KCNJ4: variants seen among roughly 807,000 people sequenced by gnomAD.
The protein encoded by KCNJ4 is inward rectifier potassium channel 4.
A neutral mutation model predicts 25.6 loss-of-function variants in KCNJ4; 3 were observed. The observed-to-expected ratio is 0.12, with a 90% CI of 0.05 to 0.30. The LOEUF (loss-of-function observed/expected upper bound fraction) is 0.30. KCNJ4 is among the 10% of genes least tolerant of loss of function. The pLI is 1.00. For synonymous variants in KCNJ4, 257 were observed against 283.9 expected (o/e 0.91, Z 0.95); for missense variants, 286 against 666.8 (o/e 0.43, Z 6.29).
At chr22:38,436,916 C>T (rs760602402) in intron 1 of KCNJ4, among the ~76,000 whole-genome samples, 2 of 152,148 alleles carry the variant, frequency 1.3e-5, no homozygotes, top group South Asian at 2.1e-4. Flanking sequence ...TGTCCTGCCT[C>T]GAAGAAATAC....
intron 1 of KCNJ4, among the ~76,000 whole-genome samples, chr22:38,453,127 C>G (rs933157393): frequency 4.6e-5 from 7 of 151,838 alleles, no homozygotes; most frequent in Admixed American, 2.6e-4. Context: ...AAGACATCTT[C>G]TCACAGCATC....
In KCNJ4 at chr22:38,432,125, G is replaced by A. The variant is rs550573561; in HGVS notation, c.-39-3954C>T. On this transcript the variant is annotated intron_variant, in intron 1 of 1. Coordinates refer to ENST00000303592, the MANE Select transcript of KCNJ4 (RefSeq NM_152868.3). ...AAAAAAATTAGCTGGGCATGGTGGC[G>A]GGCGCCTGTAATCCCAGCTACTAGG... is the stretch of plus-strand genomic sequence containing the variant. Among the ~76,000 whole-genome samples, 222 of 151,816 alleles carry A rather than the reference G, an allele frequency of 1.5e-3. 1 individual carries two copies. Among genetic ancestry groups the A allele is most frequent in the Non-Finnish European group, 2.8e-3 (188 of 67,892 alleles).
At chr22:38,454,736 C>T (rs2089429895) in intron 1 of KCNJ4, among the ~76,000 whole-genome samples, 1 of 152,126 alleles carries the variant, frequency 6.6e-6, no homozygotes, top group South Asian at 2.1e-4. Flanking sequence ...CACCTCTCTC[C>T]CCCTTTCCAG....
intron 1 of KCNJ4, among the ~76,000 whole-genome samples, chr22:38,447,019 G>A (rs1485416898): frequency 9.4e-4 from 143 of 151,522 alleles, no homozygotes; most frequent in African/African-American, 3.2e-3. Flanking sequence ...TAAAGGCTCA[G>A]AGAGGTGAAA....
At position 38,427,047 on chromosome 22, in the gene KCNJ4, G is replaced by A. The variant is rs758451662; in HGVS notation, c.1086C>T (p.Pro362=). 1.1e-5 allele frequency: 18 copies of A among 1,612,462 alleles called. No individual in the cohort carries two copies. The highest frequency in any genetic ancestry group is 8.9e-5 in the East Asian group (4 of 44,876). Residue 362 remains proline, a synonymous_variant, in exon 2 of 2, where the codon CCC becomes CCT. Coordinates refer to ENST00000303592, the MANE Select transcript of KCNJ4 (RefSeq NM_152868.3). ...ELQESKITVL[P]APPPPPSAFC... ...AGGCACTGGGAGGGGGCGGTGGGGC[G>A]GGCAGCACGGTGATCTTACTCTCCT...
intron 1 of KCNJ4, among the ~76,000 whole-genome samples, chr22:38,433,850 A>G (rs746354953): frequency 6.6e-6 from 1 of 152,180 alleles, no homozygotes; most frequent in Non-Finnish European, 1.5e-5. Context: ...GGGGGTCCAG[A>G]GGAGGCAGGA....
chr22:38,450,291 C>T (rs1174243401), intron 1 of KCNJ4, among the ~76,000 whole-genome samples: 2 of 152,010 alleles, frequency 1.3e-5, no homozygotes, highest in Non-Finnish European at 2.9e-5. Flanking sequence ...TTGGGAGGAG[C>T]GCTTTTCGAC....
At position 38,439,301 on chromosome 22, in the gene KCNJ4, G is replaced by A. The variant is rs1233967905; in HGVS notation, c.-39-11130C>T. Among the ~76,000 whole-genome samples the A allele has an allele frequency of 6.6e-5, 10 of 151,844 alleles. No individual in the cohort carries two copies. The East Asian group carries it at 1.7e-3, about 26-fold the overall frequency. Reference sequence around the variant, plus strand: ...ACAAAAACTAGCCGGGCATGGTGGTGGGCATCTGTAATCTCAGCTCCTCAG... The same window carrying A: ...ACAAAAACTAGCCGGGCATGGTGGTAGGCATCTGTAATCTCAGCTCCTCAG... On this transcript the variant is annotated intron_variant, in intron 1 of 1. Coordinates refer to ENST00000303592, the MANE Select transcript of KCNJ4 (RefSeq NM_152868.3).
rs769061820 is a variant in KCNJ4 at position 38,426,936 on chromosome 22, T to A, written c.1197A>T (p.Ala399=). Reference sequence around the variant, plus strand: ...TGGAACCCGCCTCCAGGCCCAGGCCTGCGGCCACCGCGGCCGCCGCAGCTG... The same window carrying A: ...TGGAACCCGCCTCCAGGCCCAGGCCAGCGGCCACCGCGGCCGCCGCAGCTG... ...EEAAAAAAVA[A]GLGLEAGSKE... is the part of the protein sequence containing the mutation. Residue 399 remains alanine, a synonymous_variant, in exon 2 of 2, where the codon GCA becomes GCT. Transcript: ENST00000303592. The A allele has an allele frequency of 4.3e-6, 7 of 1,612,506 alleles. No individual in the cohort carries two copies. Among genetic ancestry groups the A allele is most frequent in the Non-Finnish European group, 5.1e-6 (6 of 1,179,778 alleles).
intron 1 of KCNJ4, among the ~76,000 whole-genome samples, chr22:38,445,856 C>T (rs1382465237): frequency 2.0e-5 from 3 of 152,116 alleles, no homozygotes; most frequent in African/African-American, 7.2e-5. Flanking sequence ...TGGGATCCGG[C>T]GTGTGTCTTG....
rs1373195493 is a variant in KCNJ4, at chr22:38,426,972, C to T, written c.1161G>A (p.Met387Ile). ...LALMSQEEEE[M>I]EEEAAAAAAV... ...CGGCCGCCGCAGCTGCCTCCTCCTC[C>T]ATCTCCTCTTCCTCCTGGCTCATAA... Residue 387 changes from methionine (M) to isoleucine (I), a missense_variant, in exon 2 of 2, where the codon ATG becomes ATA. Transcript: ENST00000303592. 1 of 1,612,702 alleles carries T rather than the reference C, an allele frequency of 6.2e-7. No homozygotes were observed. The highest frequency in any genetic ancestry group is 2.2e-5 in the East Asian group (1 of 44,870).
At chr22:38,430,978 G>C (rs963109976) in intron 1 of KCNJ4, among the ~76,000 whole-genome samples, 5 of 152,224 alleles carry the variant, frequency 3.3e-5, no homozygotes, top group Non-Finnish European at 5.9e-5. Context: ...TCCCTGCAGG[G>C]GGCTGGAGTG....
chr22:38,428,140 A>G lies in KCNJ4; in HGVS notation c.-8T>C. The G allele has an allele frequency of 6.2e-7, 1 of 1,601,916 alleles. No individual in the cohort carries two copies. Among genetic ancestry groups the G allele is most frequent in the Non-Finnish European group, 8.5e-7 (1 of 1,172,406 alleles). On this transcript the variant is annotated 5_prime_UTR_variant, in exon 2 of 2. Coordinates refer to ENST00000303592, the MANE Select transcript of KCNJ4 (RefSeq NM_152868.3). ...GCGGCTGTGTCCGTGCATGTCCTGA[A>G]GCCGGCGTGGTCACCTGGGAAGACG... is the stretch of plus-strand genomic sequence containing the variant.
chr22:38,429,442 GGGAGGACA>G (rs1320251379), intron 1 of KCNJ4, among the ~76,000 whole-genome samples: 1 of 152,182 alleles, frequency 6.6e-6, no homozygotes, highest in Non-Finnish European at 1.5e-5. Flanking sequence ...GGAGTGGGAG[GGGAGGACA>G]CACCTCGGGC....
intron 1 of KCNJ4, among the ~76,000 whole-genome samples, chr22:38,445,107 T>C (rs1304813319): frequency 6.6e-6 from 1 of 151,584 alleles, no homozygotes; most frequent in Non-Finnish European, 1.5e-5. Context: ...AAAGAGAAGG[T>C]CCTAGGAAGA....
In KCNJ4 at chr22:38,426,864, C is replaced by T. The variant is rs558525435; in HGVS notation, c.1269G>A (p.Leu423=). ...IIRMLEFGSH[L]DLERMQASLP... The stretch of plus-strand genomic sequence containing the variant: ...GGGAAGCCTGCATGCGCTCCAGGTC[C>T]AGGTGGCTGCCGAACTCCAGCATCC... The change falls in exon 2 of 2, where the codon CTG becomes CTA. Residue 423 remains leucine, a synonymous_variant. Transcript: ENST00000303592. 12 of 1,613,444 alleles carry T rather than the reference C, an allele frequency of 7.4e-6. No homozygotes were observed. Among genetic ancestry groups the T allele is most frequent in the African/African-American group, 6.7e-5 (5 of 75,022 alleles).
intron 1 of KCNJ4, among the ~76,000 whole-genome samples, chr22:38,453,602 C>T (rs971738702): frequency 4.6e-5 from 7 of 152,148 alleles, no homozygotes; most frequent in African/African-American, 1.7e-4. Context: ...TGTGAACAGC[C>T]CACTGCTCAT....
At position 38,443,576 on chromosome 22, in the gene KCNJ4, G is replaced by A. The variant is rs2089352691; in HGVS notation, c.-40+11404C>T. On this transcript the variant is annotated intron_variant, in intron 1 of 1. Coordinates refer to ENST00000303592, the MANE Select transcript of KCNJ4 (RefSeq NM_152868.3). The surrounding 1 kb of genome is among the most constrained non-coding windows in gnomAD (Gnocchi z 4.1). ...CTAAGCCCAACCGCAATAACAATGG[G>A]TTAATAACTAACATGCACTTAGTGT... Among the ~76,000 whole-genome samples the A allele has an allele frequency of 6.6e-6, 1 of 152,172 alleles. No homozygotes were observed. The highest frequency in any genetic ancestry group is 1.5e-5 in the Non-Finnish European group (1 of 68,032).
In KCNJ4 at chr22:38,426,883, A is replaced by G; in HGVS notation, c.1250T>C (p.Leu417Pro). The change falls in exon 2 of 2, where the codon CTG (leucine) becomes CCG (proline). Residue 417 changes from leucine to proline, a missense_variant. Around this residue, in one of 11 missense-constraint regions of KCNJ4, gnomAD observed 77 missense variants for 97.6 expected, o/e 0.79. Coordinates refer to ENST00000303592, the MANE Select transcript of KCNJ4 (RefSeq NM_152868.3). ...SKEEAGIIRMLEFGSHLDLER... is the reference protein window; with the variant it reads ...SKEEAGIIRMPEFGSHLDLER... ...CAGGTCCAGGTGGCTGCCGAACTCCAGCATCCGGATGATGCCCGCCTCCTC... is the reference window on the plus strand; with the variant it reads ...CAGGTCCAGGTGGCTGCCGAACTCCGGCATCCGGATGATGCCCGCCTCCTC... 1 of 1,613,268 alleles carries G rather than the reference A, an allele frequency of 6.2e-7. No individual in the cohort carries two copies.
Sources: allele counts gnomAD v4.1 joint callset (sites outside exome capture counted in the v4.1 genomes callset), GRCh38; gene constraint gnomAD v4.1.1; regional missense constraint gnomAD v4.1.1; non-coding constraint Gnocchi (gnomAD v3.1); transcripts MANE v1.5; gene names NCBI Gene and HGNC (gene_info 2026-07-23, HGNC 2026-07-21).